GRIK2: variants seen among roughly 807,000 people sequenced by gnomAD.
GRIK2 encodes the protein glutamate ionotropic receptor kainate type subunit 2.
In GRIK2, 32 loss-of-function variants were observed where a neutral mutation model predicts 100.3. The ratio of observed to expected loss-of-function variants is 0.32; its 90% CI spans 0.24 to 0.43. GRIK2 has a LOEUF of 0.43. Ranked by LOEUF, GRIK2 falls within the 20% of genes least tolerant of loss-of-function variation. The pLI is 1.00. For synonymous variants in GRIK2, 417 were observed against 389.4 expected (o/e 1.07, Z -0.83); for missense variants, 843 against 1,114.9 (o/e 0.76, Z 3.47).
At chr6:101,547,642 C>A (rs1212455258) in intron 2 of GRIK2, among the ~76,000 whole-genome samples, 1 of 152,190 alleles carries the variant, frequency 6.6e-6, no homozygotes, top group East Asian at 1.9e-4. Flanking sequence ...CTACAAAGGA[C>A]ATGAACTCAT....
chr6:101,590,678 C>G (rs576170294), intron 2 of GRIK2, among the ~76,000 whole-genome samples: 1 of 152,006 alleles, frequency 6.6e-6, no homozygotes, highest in Admixed American at 6.6e-5. Flanking sequence ...CTCTTCCTAA[C>G]GAGATCTTAA....
chr6:101,868,660 T>C (rs1203956684), intron 11 of GRIK2, among the ~76,000 whole-genome samples: 5 of 151,642 alleles, frequency 3.3e-5, no homozygotes, highest in Non-Finnish European at 7.4e-5. Flanking sequence ...CTTTAAAAAA[T>C]TAAAAAAAGG....
At chr6:101,625,281 G>A (rs1053533950) in intron 3 of GRIK2, among the ~76,000 whole-genome samples, 2 of 151,980 alleles carry the variant, frequency 1.3e-5, no homozygotes, top group Non-Finnish European at 2.9e-5. Context: ...GCTGAGGCAG[G>A]AGAATCGCTT....
intron 7 of GRIK2, among the ~76,000 whole-genome samples, chr6:101,721,709 A>T (rs955543485): frequency 6.6e-6 from 1 of 152,004 alleles, no homozygotes; most frequent in Non-Finnish European, 1.5e-5. Flanking sequence ...TTTTAAAACT[A>T]TACCACTTTC....
rs61125711 is a variant in GRIK2 at position 101,890,976 on chromosome 6, C to CATAT, written c.1748+1138_1748+1141dup. Among the ~76,000 whole-genome samples the CATAT allele has an allele frequency of 5.4e-3, 799 of 146,742 alleles. 7 individuals are homozygous for CATAT. Among genetic ancestry groups the CATAT allele is most frequent in the South Asian group, 0.015 (66 of 4,536 alleles). On this transcript the variant is annotated intron_variant, in intron 12 of 16. Transcript: ENST00000369134. The stretch of plus-strand genomic sequence containing the variant: ...GAGATAAAAATACCTATAAAGTGTA[C>CATAT]ATATATATATATATATATATATATA...
intron 2 of GRIK2, among the ~76,000 whole-genome samples, chr6:101,558,947 C>A (rs976936056): frequency 6.6e-6 from 1 of 152,014 alleles, no homozygotes; most frequent in Non-Finnish European, 1.5e-5. Flanking sequence ...ATTTATGACT[C>A]TTTGCTATTT....
At chr6:102,035,202 T>TAC in intron 14 of GRIK2, 139 bp from the exon 15 acceptor site, 1 of 258,644 alleles carries the variant, frequency 3.9e-6, no homozygotes, top group East Asian at 6.7e-5. Context: ...GGTATATATA[T>TAC]ATATATATAT....
At chr6:101,603,140 T>C (rs76524058) in intron 2 of GRIK2, among the ~76,000 whole-genome samples, 5 of 149,464 alleles carry the variant, frequency 3.3e-5, no homozygotes, top group Non-Finnish European at 7.4e-5. Flanking sequence ...GATCTTATCA[T>C]ATACCTGAAA....
chr6:101,691,451 C>T (rs1772091515), intron 7 of GRIK2, among the ~76,000 whole-genome samples: 1 of 151,892 alleles, frequency 6.6e-6, no homozygotes, highest in Non-Finnish European at 1.5e-5. Flanking sequence ...GCGCACACCA[C>T]CACGCCTGGC....
At chr6:101,769,637 G>T (rs1377581810) in intron 7 of GRIK2, among the ~76,000 whole-genome samples, 1 of 152,118 alleles carries the variant, frequency 6.6e-6, no homozygotes, top group Non-Finnish European at 1.5e-5. Flanking sequence ...GTATCTTTTT[G>T]AGTTTCTTTC....
intron 11 of GRIK2, among the ~76,000 whole-genome samples, chr6:101,864,093 C>T (rs972905818): frequency 4.7e-5 from 7 of 148,416 alleles, no homozygotes; most frequent in African/African-American, 7.5e-5. Flanking sequence ...GCCGAGATTG[C>T]GCCACTGCAG....
At chr6:101,851,651 G>A (rs185974232) in intron 10 of GRIK2, among the ~76,000 whole-genome samples, 4 of 151,772 alleles carry the variant, frequency 2.6e-5, no homozygotes, top group African/African-American at 7.2e-5. Context: ...TTGTCAGGTA[G>A]AAAATGAATT....
intron 2 of GRIK2, among the ~76,000 whole-genome samples, chr6:101,417,813 C>T (rs1203139673): frequency 1.3e-5 from 2 of 152,228 alleles, no homozygotes; most frequent in East Asian, 3.9e-4. Context: ...AATTCCACCA[C>T]TTACAAAGTG....
At chr6:101,830,312 CTG>C (rs1439552268) in intron 10 of GRIK2, among the ~76,000 whole-genome samples, 2 of 151,902 alleles carry the variant, frequency 1.3e-5, no homozygotes, top group Non-Finnish European at 2.9e-5. Context: ...AGGCCTCAAA[CTG>C]TAAAAATCCT....
intron 2 of GRIK2, among the ~76,000 whole-genome samples, chr6:101,401,845 G>A (rs986078826): frequency 6.6e-5 from 10 of 152,286 alleles, no homozygotes; most frequent in African/African-American, 2.4e-4. Flanking sequence ...GGAGTTGCAC[G>A]TGGCGCAGCT....
chr6:102,006,390 A>ATTTTTTTTTTT (rs34620995), intron 14 of GRIK2, among the ~76,000 whole-genome samples: 12 of 114,090 alleles, frequency 1.1e-4, no homozygotes, highest in African/African-American at 5.5e-4. Context: ...ATATATATAT[A>ATTTTTTTTTTT]TTTTTTTTTT....
At position 101,862,997 on chromosome 6, in the gene GRIK2, T is replaced by C. The variant is rs142115351; in HGVS notation, c.1524+3504T>C. Among the ~76,000 whole-genome samples the C allele has an allele frequency of 6.4e-3, 980 of 152,312 alleles. 9 individuals carry two copies. The highest frequency in any genetic ancestry group is 0.023 in the African/African-American group (940 of 41,564). On this transcript the variant is annotated intron_variant, in intron 11 of 16. Transcript: ENST00000369134. ...AACTTTTGAAAGTTATCAAACTGAT[T>C]TGAATCTAAATTAGGATGCTATTTT...
chr6:101,424,770 T>G (rs1267900131), intron 2 of GRIK2, among the ~76,000 whole-genome samples: 3 of 150,356 alleles, frequency 2.0e-5, no homozygotes, highest in Non-Finnish European at 3.0e-5. Context: ...CCTGTGTCCA[T>G]GTGTTCTCAT....
At chr6:101,768,970 A>T (rs188337417) in intron 7 of GRIK2, among the ~76,000 whole-genome samples, 27 of 152,346 alleles carry the variant, frequency 1.8e-4, no homozygotes, top group African/African-American at 6.3e-4. Flanking sequence ...AAGACAGATT[A>T]TCATTTAGGA....
Sources: allele counts gnomAD v4.1 joint callset (sites outside exome capture counted in the v4.1 genomes callset), GRCh38; gene constraint gnomAD v4.1.1; transcripts MANE v1.5; gene names NCBI Gene and HGNC (gene_info 2026-07-23, HGNC 2026-07-21).